RIF1: variants seen among roughly 807,000 people sequenced by gnomAD.
RIF1 encodes the protein telomere-associated protein RIF1.
Under a neutral mutation model 247.1 loss-of-function variants are expected in RIF1, and 45 were observed. The ratio of observed to expected loss-of-function variants is 0.18; its 90% confidence interval spans 0.14 to 0.23. The LOEUF (loss-of-function observed/expected upper bound fraction) is 0.23. Ranked by LOEUF, RIF1 falls within the 10% of genes least tolerant of loss-of-function variation. The probability of loss-of-function intolerance (pLI) is 1.00; values close to 1 mark genes in which losing one functional copy is unlikely to be tolerated. For missense variants in RIF1, 2,967 were observed against 2,862.5 expected, an observed-to-expected ratio of 1.04 and a Z score of -0.83; for synonymous variants, 1,087 against 978.8, an observed-to-expected ratio of 1.11 and a Z score of -2.06.
At chr2:151,488,910 A>C (rs996603962) in intron 9 of RIF1, among the ~76,000 whole-genome samples, 10 of 152,134 alleles carry the variant, frequency 6.6e-5, no homozygotes. Flanking sequence ...TTTTGTATCT[A>C]TTGCCATGCT....
chr2:151,437,718 CAA>C (rs2152346103), intron 13 of RIF1, among the ~76,000 whole-genome samples: 1 of 152,130 alleles, frequency 6.6e-6, no homozygotes, highest in South Asian at 2.1e-4. Context: ...GATAAAATAA[CAA>C]ATATTTATAT....
At chr2:151,452,916 G>C (rs1045977316) in intron 21 of RIF1, among the ~76,000 whole-genome samples, 17 of 152,202 alleles carry the variant, frequency 1.1e-4, no homozygotes, top group African/African-American at 3.9e-4. Flanking sequence ...ATGCAAAACA[G>C]AGCCAGAGTT....
chr2:151,488,277 T>C lies in RIF1; in HGVS notation c.*415+4942T>C, dbSNP rs184698975. On this transcript the variant is annotated intron_variant and NMD_transcript_variant, in intron 9 of 13. Transcript: ENST00000454583. ...TATTTGTTATAGAAACATTTAAAATTTTATGATCAAATTGGCCAGACTTTT... is the reference window on the plus strand; with the variant it reads ...TATTTGTTATAGAAACATTTAAAATCTTATGATCAAATTGGCCAGACTTTT... Among the ~76,000 whole-genome samples the C allele has an allele frequency of 4.8e-4, 73 of 152,242 alleles. 1 individual carries two copies. Among genetic ancestry groups the C allele is most frequent in the Non-Finnish European group, 1.0e-3 (69 of 68,010 alleles).
downstream of RIF1, chr2:151,486,080 C>G: frequency 1.3e-6 from 1 of 780,426 alleles, no homozygotes; most frequent in South Asian, 1.9e-5. Flanking sequence ...GTAAAAGGAA[C>G]CCACAAAATA....
chr2:151,453,438 A>G (rs899670175), intron 21 of RIF1, among the ~76,000 whole-genome samples: 1 of 152,010 alleles, frequency 6.6e-6, no homozygotes, highest in Non-Finnish European at 1.5e-5. Context: ...TTAGCAAGCC[A>G]TGGTGGTGCG....
At chr2:151,532,480 G>A in the RIF1 span, among the ~76,000 whole-genome samples, 2 of 152,126 alleles carry the variant, frequency 1.3e-5, no homozygotes, top group Non-Finnish European at 2.9e-5. Context: ...AAATTCATTT[G>A]TTTTTGCAAT....
the RIF1 span, chr2:151,526,073 G>T: frequency 6.2e-7 from 1 of 1,613,340 alleles, no homozygotes; most frequent in Non-Finnish European, 8.5e-7. Flanking sequence ...CTTGTTCTGG[G>T]GGAATCCATA....
chr2:151,492,536 T>C lies in RIF1; in HGVS notation c.*416-2693T>C, dbSNP rs1461832081. ...CGTGAATGAGTGGTGCTGTCCTAAA[T>C]CTGAAACCTCAAAGCCTTTCCAGCA... On this transcript the variant is annotated intron_variant and NMD_transcript_variant, in intron 9 of 13. Coordinates refer to the RIF1 transcript ENST00000454583. 15 of 1,438,210 alleles carry C rather than the reference T, an allele frequency of 1.0e-5. No individual in the cohort carries two copies. The African/African-American group carries it at 1.3e-4, about 12-fold the overall frequency. The allele number at this position is 1,438,210 out of a possible 1,614,324, so 89.1% of individuals were successfully genotyped here.
At chr2:151,489,099 A>C (rs1334118835) in intron 9 of RIF1, among the ~76,000 whole-genome samples, 3 of 152,200 alleles carry the variant, frequency 2.0e-5, no homozygotes, top group African/African-American at 7.2e-5. Context: ...GCATTGGTTT[A>C]TTTCAGGGAA....
rs372832713 is a variant in RIF1, at chr2:151,411,277, A to G, written c.122A>G (p.Glu41Gly). ...LTLTSRMTGEEGKEVITEIEK... is the reference protein window; with the variant it reads ...LTLTSRMTGEGGKEVITEIEK... ...TTTTTAAGTCGTATGACTGGAGAAG[A>G]AGGAAAAGAAGTAATTACAGAAATT... Residue 41 changes from glutamate (E) to glycine (G), a missense_variant, in exon 3 of 36, where the codon GAA becomes GGA. Around this residue, in one of 7 missense-constraint regions of RIF1, gnomAD observed 269 missense variants for 288.6 expected, o/e 0.93. Transcript: ENST00000444746. The G allele has an allele frequency of 1.3e-5, 21 of 1,602,530 alleles. No individual in the cohort carries two copies. In the East Asian group the frequency reaches 2.5e-4, roughly 19 times the overall value.
At chr2:151,492,555 T>C (rs1290647726) in intron 9 of RIF1, 4 of 1,282,574 alleles carry the variant, frequency 3.1e-6, no homozygotes, top group African/African-American at 1.5e-5. Context: ...TCAAAGCCTT[T>C]CCAGCAGATA....
At chr2:151,454,364 A>G (rs892437235) in intron 21 of RIF1, among the ~76,000 whole-genome samples, 3 of 152,168 alleles carry the variant, frequency 2.0e-5, no homozygotes, top group South Asian at 4.1e-4. Context: ...CTTTTTCTTT[A>G]TATCTAGGAA....
chr2:151,459,819 A>G (rs1695849592), intron 25 of RIF1, among the ~76,000 whole-genome samples, 181 bp from the exon 26 acceptor site: 1 of 152,228 alleles, frequency 6.6e-6, no homozygotes, highest in East Asian at 1.9e-4. Flanking sequence ...GAGACACCAA[A>G]GCCATTTGCT....
At chr2:151,460,394 GA>G (rs1355663294) in intron 26 of RIF1, among the ~76,000 whole-genome samples, 1 of 152,202 alleles carries the variant, frequency 6.6e-6, no homozygotes, top group African/African-American at 2.4e-5. Flanking sequence ...GAGATGGAAT[GA>G]GACTAGTTAT....
chr2:151,500,865 C>G (rs1449076724), intron 11 of RIF1, among the ~76,000 whole-genome samples: 1 of 152,086 alleles, frequency 6.6e-6, no homozygotes, highest in Non-Finnish European at 1.5e-5. Flanking sequence ...TCCCAAAGTG[C>G]TGAGGTGACA....
chr2:151,485,966 T>C (rs1405103263), downstream of RIF1: 1 of 1,606,418 alleles, frequency 6.2e-7, no homozygotes, highest in Non-Finnish European at 8.5e-7. Flanking sequence ...GGAAATATTA[T>C]ATGTTGGATT....
At chr2:151,493,533 A>G (rs1311986841) in intron 9 of RIF1, 7 of 860,502 alleles carry the variant, frequency 8.1e-6, no homozygotes, top group Non-Finnish European at 1.1e-5. Context: ...GGCTCATGTT[A>G]TGGCTCAGTT....
At chr2:151,460,211 GACTA>G in intron 26 of RIF1, 92 bp downstream of exon 26, 1 of 1,039,768 alleles carries the variant, frequency 9.6e-7, no homozygotes, top group Non-Finnish European at 1.3e-6. Context: ...AACTATAAAA[GACTA>G]AATAAAGGTT....
intron 34 of RIF1, 131 bp from the exon 35 acceptor site, chr2:151,473,833 T>C (rs1237097501): frequency 4.6e-6 from 3 of 652,854 alleles, no homozygotes; most frequent in East Asian, 2.9e-5. Flanking sequence ...AGCTCTTAAT[T>C]GTGATGGGTG....
Sources: gnomAD v4.1 joint callset for allele counts (sites outside exome capture counted in the v4.1 genomes callset) on GRCh38, gnomAD v4.1.1 for gene constraint, gnomAD v4.1.1 regional missense constraint, MANE v1.5 for transcripts, NCBI Gene and HGNC (gene_info 2026-07-23, HGNC 2026-07-21) for gene names.